UGT2A1: variants seen among roughly 807,000 people sequenced by gnomAD.
The protein encoded by UGT2A1 is UDP glucuronosyltransferase family 2 member A1 complex locus, also known as UDP-glucuronosyltransferase 2A1.
In UGT2A1, 61 loss-of-function variants were observed where a neutral mutation model predicts 45.4. The ratio of observed to expected loss-of-function variants is 1.34; its 90% CI spans 1.09 to 1.66. The LOEUF (loss-of-function observed/expected upper bound fraction) is 1.66, where lower values mean the gene tolerates loss of function less well. Ranked by LOEUF, UGT2A1 falls within the 40% of genes most tolerant of loss-of-function variation. The pLI is 0.00. For missense variants in UGT2A1, 649 were observed against 574.3 expected, an observed-to-expected ratio of 1.13 and a Z score of -1.33; for synonymous variants, 229 against 196.2, an observed-to-expected ratio of 1.17 and a Z score of -1.40.
intron 3 of UGT2A1, among the ~76,000 whole-genome samples, chr4:69,615,029 C>T (rs1409584655): frequency 6.6e-6 from 1 of 151,888 alleles, no homozygotes; most frequent in African/African-American, 2.4e-5. Flanking sequence ...CTCATGAGAA[C>T]TCACTATCAC....
In UGT2A1 at chr4:69,589,347, A is replaced by G; in HGVS notation, c.*25T>C. The G allele has an allele frequency of 1.3e-6, 2 of 1,578,606 alleles. No homozygotes were observed. The highest frequency in any genetic ancestry group is 2.7e-5 in the African/African-American group (2 of 73,422). The stretch of plus-strand genomic sequence containing the variant: ...TCAGGATTTTGCCAAACTTAAAAAT[A>G]TATATATTTCCTCTTTTTCTTGACC... On this transcript the variant is annotated 3_prime_UTR_variant, in exon 7 of 7. Transcript: ENST00000286604.
At chr4:69,632,661 G>A (rs550273542) in intron 3 of UGT2A1, among the ~76,000 whole-genome samples, 17 of 151,932 alleles carry the variant, frequency 1.1e-4, no homozygotes, top group Non-Finnish European at 2.4e-4. Context: ...AGGCAGAGGC[G>A]GGCAGATCAC....
At chr4:69,615,474 T>A (rs1223024101) in intron 3 of UGT2A1, among the ~76,000 whole-genome samples, 3 of 151,900 alleles carry the variant, frequency 2.0e-5, no homozygotes, top group Non-Finnish European at 2.9e-5. Context: ...CATGTACCCA[T>A]CTGACAAGGG....
chr4:69,596,137 A>G (rs1429249201), intron 4 of UGT2A1: 1 of 1,305,380 alleles, frequency 7.7e-7, no homozygotes, highest in African/African-American at 1.5e-5. Context: ...AACTGTTACT[A>G]GTGATACTCA....
chr4:69,636,874 ACT>A (rs1225587618), intron 2 of UGT2A1, among the ~76,000 whole-genome samples: 19 of 152,206 alleles, frequency 1.2e-4, no homozygotes, highest in African/African-American at 4.6e-4. Context: ...AAGCACTGTG[ACT>A]CTAAAGTTTC....
At chr4:69,589,724 C>T in intron 6 of UGT2A1, 73 bp from the exon 7 acceptor site, 1 of 1,528,964 alleles carries the variant, frequency 6.5e-7, no homozygotes, top group Non-Finnish European at 8.8e-7. Context: ...ATATGTGATA[C>T]ACTTTTGCTC....
In UGT2A1 at chr4:69,647,089, C is replaced by A. The variant is rs764220082; in HGVS notation, c.556G>T (p.Val186Leu). ...GGAACATAGGAAGGAGGGTATGGTA[C>A]CTTCCCACAGTGCTTTTCCACTGTT... ...ASTVEKHCGKVPYPPSYVPAV... is the reference protein window; with the variant it reads ...ASTVEKHCGKLPYPPSYVPAV... Residue 186 changes from valine to leucine, a missense_variant, in exon 2 of 7, where the codon GTA (valine) becomes TTA (leucine). Val to Leu is a conservative substitution (Grantham distance 32). Transcript: ENST00000286604. The A allele has an allele frequency of 6.2e-6, 10 of 1,612,774 alleles. No homozygotes were observed. Among genetic ancestry groups the A allele is most frequent in the East Asian group, 2.2e-5 (1 of 44,848 alleles).
At chr4:69,652,546 C>A (rs1244750419) in intron 1 of UGT2A1, among the ~76,000 whole-genome samples, 1 of 151,934 alleles carries the variant, frequency 6.6e-6, no homozygotes, top group Non-Finnish European at 1.5e-5. Context: ...GCTGGGATTA[C>A]AGGGGTGAGC....
intron 1 of UGT2A1, among the ~76,000 whole-genome samples, chr4:69,651,472 A>G (rs915777369): frequency 5.9e-5 from 9 of 152,346 alleles, no homozygotes; most frequent in African/African-American, 2.2e-4. Flanking sequence ...TTCAGAGAAA[A>G]AAACTAACGT....
At chr4:69,616,877 C>T (rs1364600361) in intron 3 of UGT2A1, among the ~76,000 whole-genome samples, 15 of 80,430 alleles carry the variant, frequency 1.9e-4, no homozygotes, top group Non-Finnish European at 2.1e-4. Flanking sequence ...GTTTCATTTT[C>T]CCACTTGAAA....
At chr4:69,646,823 A>G in intron 2 of UGT2A1, 107 bp downstream of exon 2, 1 of 755,118 alleles carries the variant, frequency 1.3e-6, no homozygotes, top group Non-Finnish European at 2.1e-6. Context: ...TATATAGTAC[A>G]TCAATACTTG....
intron 3 of UGT2A1, among the ~76,000 whole-genome samples, chr4:69,626,686 C>A (rs971712567): frequency 3.3e-5 from 5 of 151,586 alleles, no homozygotes; most frequent in Non-Finnish European, 5.9e-5. Context: ...GAAAGCTGGT[C>A]ATTTAAAAAA....
In UGT2A1 at chr4:69,589,344, A is replaced by T. The variant is rs1483744914; in HGVS notation, c.*28T>A. ...TACTCAGGATTTTGCCAAACTTAAA[A>T]ATATATATATTTCCTCTTTTTCTTG... On this transcript the variant is annotated 3_prime_UTR_variant, in exon 7 of 7. Coordinates refer to ENST00000286604, the MANE Select transcript of UGT2A1 (RefSeq NM_001252275.3). The T allele has an allele frequency of 5.7e-6, 9 of 1,569,880 alleles. No individual in the cohort carries two copies. The highest frequency in any genetic ancestry group is 7.8e-6 in the Non-Finnish European group (9 of 1,159,404).
chr4:69,637,757 G>C (rs9917881), intron 2 of UGT2A1, among the ~76,000 whole-genome samples: 1,813 of 152,178 alleles, frequency 0.012, 29 homozygotes, highest in African/African-American at 0.041. Flanking sequence ...CCATGAGATA[G>C]AGAATTTGAT....
At position 69,646,959 on chromosome 4, in the gene UGT2A1, G is replaced by A. The variant is rs771258078; in HGVS notation, c.686C>T (p.Ser229Leu). ...QDYMFETLWK[S>L]WDSYYSKALG... is the part of the protein sequence containing the mutation. ...AGCTTTACTATAGTATGAATCCCAT[G>A]ATTTCCAAAGAGTTTCAAACATGTA... is the stretch of plus-strand genomic sequence containing the variant. Residue 229 changes from serine (S) to leucine (L), a missense_variant, in exon 2 of 7, where the codon TCA (serine) becomes TTA (leucine). By Grantham distance (145) the Ser-to-Leu change is moderately radical (BLOSUM62 -2). Transcript: ENST00000286604. 11 of 1,598,096 alleles carry A rather than the reference G, an allele frequency of 6.9e-6. No homozygotes were observed. The East Asian group carries it at 2.0e-4, about 29-fold the overall frequency.
Position 69,647,473 on chromosome 4 carries a change from C to A in UGT2A1, c.172G>T (p.Ala58Ser), listed in dbSNP as rs1318888328. 6.2e-7 allele frequency: 1 copy of A among 1,612,994 alleles called. No individual in the cohort carries two copies. The highest frequency in any genetic ancestry group is 1.3e-5 in the African/African-American group (1 of 74,968). ...HNVTVLVASG[A>S]LFITPTSNPS... is the part of the protein sequence containing the mutation. ...TTAGAGGTTGGTGTGATGAAAAGTG[C>A]ACCAGAGGCAACTAGGACAGTCACA... Residue 58 changes from alanine (A) to serine (S), a missense_variant, in exon 2 of 7, where the codon GCA becomes TCA. Transcript: ENST00000286604.
chr4:69,623,442 A>G lies in UGT2A1; in HGVS notation c.847+12249T>C, dbSNP rs561482482. 1.0e-3 allele frequency among the ~76,000 whole-genome samples: 158 copies of G among 151,962 alleles called. 1 individual carries two copies. The highest frequency in any genetic ancestry group is 3.4e-3 in the Middle Eastern group (1 of 292). The stretch of plus-strand genomic sequence containing the variant: ...TGGGATAGGGAAAAGACAAAAGCCA[A>G]TATGAATGCATTACCAAGTCACTTG... On this transcript the variant is annotated intron_variant, in intron 3 of 6. Transcript: ENST00000286604.
intron 3 of UGT2A1, among the ~76,000 whole-genome samples, chr4:69,635,093 C>A (rs1229939281): frequency 6.6e-6 from 1 of 151,194 alleles, no homozygotes; most frequent in African/African-American, 2.4e-5. Flanking sequence ...ATATATACTA[C>A]TATGTACCCA....
At chr4:69,598,530 T>C (rs1413773575) in intron 4 of UGT2A1, among the ~76,000 whole-genome samples, 1 of 152,174 alleles carries the variant, frequency 6.6e-6, no homozygotes. Context: ...ATACAACATT[T>C]GTATCTCTCA....
Sources: gnomAD v4.1 joint callset for allele counts (sites outside exome capture counted in the v4.1 genomes callset) on GRCh38, gnomAD v4.1.1 for gene constraint, MANE v1.5 for transcripts, NCBI Gene and HGNC (gene_info 2026-07-23, HGNC 2026-07-21) for gene names.